The following MTUS2 variants were observed in gnomAD, a reference collection of about 807,000 sequenced individuals.
The protein encoded by MTUS2 is microtubule associated scaffold protein 2, also known as microtubule-associated tumor suppressor candidate 2.
In MTUS2, 40 loss-of-function variants were observed where a neutral mutation model predicts 114.1. The observed-to-expected ratio is 0.35, with a 90% CI of 0.27 to 0.46. The LOEUF (loss-of-function observed/expected upper bound fraction) is 0.46. MTUS2 is among the 20% of genes least tolerant of loss of function. The probability of loss-of-function intolerance (pLI) is 1.00; values close to 1 mark genes in which losing one functional copy is unlikely to be tolerated. For missense variants in MTUS2, 1,679 were observed against 1,705.4 expected (o/e 0.98, Z 0.27); for synonymous variants, 688 against 672.0 (o/e 1.02, Z -0.37).
chr13:29,488,285 C>T (rs76121711), intron 11 of MTUS2: 4,806 of 463,950 alleles, frequency 0.01, 197 homozygotes, highest in African/African-American at 0.086. Context: ...ATGCCAGCCT[C>T]AGTCCCACCC....
chr13:28,907,047 A>C (rs1196978599), intron 2 of MTUS2, among the ~76,000 whole-genome samples: 1 of 151,814 alleles, frequency 6.6e-6, no homozygotes, highest in East Asian at 1.9e-4. Context: ...GGCTAACAGC[A>C]GATCTCTCGG....
intron 2 of MTUS2, among the ~76,000 whole-genome samples, chr13:29,013,963 T>C (rs1885960080): frequency 6.6e-6 from 1 of 152,240 alleles, no homozygotes; most frequent in South Asian, 2.1e-4. Flanking sequence ...TATATGTACG[T>C]CATATCATTT....
At chr13:29,337,934 G>A (rs1901165495) in intron 7 of MTUS2, among the ~76,000 whole-genome samples, 2 of 149,366 alleles carry the variant, frequency 1.3e-5, no homozygotes, top group Non-Finnish European at 3.0e-5. Context: ...GACTACAGGT[G>A]TGTGTCACTA....
intron 2 of MTUS2, among the ~76,000 whole-genome samples, chr13:28,951,322 A>C (rs1797085558): frequency 6.6e-6 from 1 of 152,238 alleles, no homozygotes; most frequent in African/African-American, 2.4e-5. Context: ...TAAGTTTTCC[A>C]ATCCATGAAC....
At chr13:28,947,889 AATAC>A (rs763473749) in intron 2 of MTUS2, among the ~76,000 whole-genome samples, 32 of 152,294 alleles carry the variant, frequency 2.1e-4, no homozygotes, top group Non-Finnish European at 3.2e-4. Context: ...AAAACTTTTT[AATAC>A]ATGGGATGTT....
At chr13:29,223,124 C>G (rs1255767060) in intron 5 of MTUS2, among the ~76,000 whole-genome samples, 1 of 152,198 alleles carries the variant, frequency 6.6e-6, no homozygotes, top group Non-Finnish European at 1.5e-5. Flanking sequence ...CCTAGTGAAA[C>G]CCCACCCTCA....
intron 5 of MTUS2, among the ~76,000 whole-genome samples, chr13:29,182,876 T>A (rs988853846): frequency 6.6e-6 from 1 of 152,090 alleles, no homozygotes; most frequent in Admixed American, 6.5e-5. Flanking sequence ...AGGAACAGGC[T>A]TAGTGAGTTC....
Position 29,498,493 on chromosome 13 carries a change from C to A in MTUS2, c.3754C>A (p.Gln1252Lys). The A allele has an allele frequency of 6.2e-7, 1 of 1,614,124 alleles. No individual in the cohort carries two copies. Among genetic ancestry groups the A allele is most frequent in the Non-Finnish European group, 8.5e-7 (1 of 1,180,030 alleles). ...LKQVLEMKNQ[Q>K]IHEQEKKILE... is the part of the protein sequence containing the mutation. Reference sequence around the variant, plus strand: ...GCAGGTATTAGAAATGAAGAATCAGCAAATACACGAGCAAGAAAAGAAGAT... The same window carrying A: ...GCAGGTATTAGAAATGAAGAATCAGAAAATACACGAGCAAGAAAAGAAGAT... Residue 1252 changes from glutamine to lysine, a missense_variant, in exon 14 of 16, where the codon CAA becomes AAA. Gln to Lys is a moderately conservative substitution (Grantham distance 53). This residue lies in a region of MTUS2 where 822 missense variants were observed against 899.7 expected (regional missense o/e 0.91). Transcript: ENST00000612955.
intron 8 of MTUS2, among the ~76,000 whole-genome samples, chr13:29,408,888 A>G (rs538820712): frequency 7.9e-5 from 12 of 152,240 alleles, no homozygotes; most frequent in African/African-American, 1.4e-4. Context: ...AGTGTGTCCA[A>G]TTTGCTTATT....
intron 1 of MTUS2, among the ~76,000 whole-genome samples, chr13:28,823,845 A>C (rs1874080626): frequency 6.6e-6 from 1 of 152,226 alleles, no homozygotes; most frequent in Non-Finnish European, 1.5e-5. Flanking sequence ...TGGAAGGGGA[A>C]GCAAACACGT....
At chr13:29,032,526 G>A (rs1886875228) in intron 3 of MTUS2, among the ~76,000 whole-genome samples, 3 of 152,092 alleles carry the variant, frequency 2.0e-5, no homozygotes, top group Admixed American at 2.0e-4. Context: ...AGTAGAGAAT[G>A]GTAAAAAATT....
intron 2 of MTUS2, among the ~76,000 whole-genome samples, chr13:28,929,828 GTC>G (rs138176991): frequency 0.084 from 12,768 of 152,296 alleles, 603 homozygotes; most frequent in South Asian, 0.13. Context: ...AGAGCTGAGT[GTC>G]TGGAGGGGAC....
intron 8 of MTUS2, among the ~76,000 whole-genome samples, chr13:29,430,484 C>A (rs1049276265): frequency 1.2e-4 from 18 of 152,078 alleles, no homozygotes; most frequent in Admixed American, 3.9e-4. Flanking sequence ...TTTGAAACTT[C>A]CAGTTCTATA....
At position 28,860,645 on chromosome 13, in the gene MTUS2, C is replaced by T. The variant is rs1198234129; in HGVS notation, c.-243+20795C>T. On this transcript the variant is annotated intron_variant, in intron 2 of 15. Transcript: ENST00000612955. ...TTATCCCTGGATGTTTGGAGTCTGACTGACCGCACCCTCCTTGCTCCCATC... is the reference window on the plus strand; with the variant it reads ...TTATCCCTGGATGTTTGGAGTCTGATTGACCGCACCCTCCTTGCTCCCATC... Among the ~76,000 whole-genome samples, 10 of 152,328 alleles carry T rather than the reference C, an allele frequency of 6.6e-5. No individual in the cohort carries two copies. The East Asian group carries it at 1.9e-3, about 29-fold the overall frequency.
chr13:29,196,548 C>G (rs1441262614), intron 5 of MTUS2, among the ~76,000 whole-genome samples: 1 of 152,082 alleles, frequency 6.6e-6, no homozygotes, highest in Admixed American at 6.6e-5. Flanking sequence ...GCAGCCATCA[C>G]CATCATCCAT....
At chr13:29,015,448 T>A (rs894487879) in intron 2 of MTUS2, among the ~76,000 whole-genome samples, 1 of 152,168 alleles carries the variant, frequency 6.6e-6, no homozygotes, top group Admixed American at 6.5e-5. Flanking sequence ...AACAAATAAT[T>A]ACAGAGTACT....
intron 2 of MTUS2, among the ~76,000 whole-genome samples, chr13:28,915,766 G>T (rs1373870249): frequency 1.3e-5 from 2 of 151,540 alleles, no homozygotes; most frequent in East Asian, 1.9e-4. Flanking sequence ...TCATTTTGTT[G>T]TGTTTTGTTT....
rs1437501293 is a variant in MTUS2 at position 29,344,374 on chromosome 13, T to C, written c.2906-14888T>C. ...CATTTAGGGTTGTGATATTTTCCTG[T>C]TGGACTAGTCCTTTTATCATTACAT... On this transcript the variant is annotated intron_variant, in intron 7 of 15. Coordinates refer to ENST00000612955, the MANE Select transcript of MTUS2 (RefSeq NM_001033602.4). Among the ~76,000 whole-genome samples, 4 of 152,170 alleles carry C rather than the reference T, an allele frequency of 2.6e-5. No homozygotes were observed. In the East Asian group the frequency reaches 7.7e-4, roughly 29 times the overall value.
At chr13:29,113,925 G>T (rs898812716) in intron 5 of MTUS2, among the ~76,000 whole-genome samples, 7 of 151,986 alleles carry the variant, frequency 4.6e-5, no homozygotes, top group Non-Finnish European at 8.8e-5. Flanking sequence ...AAATGGCTTC[G>T]CACCATCCCC....
Sources: gnomAD v4.1 joint callset for allele counts (sites outside exome capture counted in the v4.1 genomes callset) on GRCh38, gnomAD v4.1.1 for gene constraint, gnomAD v4.1.1 regional missense constraint, MANE v1.5 for transcripts, NCBI Gene and HGNC (gene_info 2026-07-23, HGNC 2026-07-21) for gene names.